The following SSBP2 variants were observed in gnomAD, a reference collection of about 807,000 sequenced individuals.
SSBP2 encodes single-stranded DNA-binding protein 2.
Under a neutral mutation model 61.8 loss-of-function variants are expected in SSBP2, and 17 were observed. The observed-to-expected ratio is 0.28, with a 90% CI of 0.19 to 0.41. The LOEUF (loss-of-function observed/expected upper bound fraction) is 0.41. SSBP2 is among the 10% of genes least tolerant of loss of function. The pLI is 1.00. For missense variants in SSBP2, 310 were observed against 458.7 expected (o/e 0.68, Z 2.96); for synonymous variants, 139 against 141.3 (o/e 0.98, Z 0.12).
Position 81,600,521 on chromosome 5 carries a change from C to A in SSBP2, c.282+14952G>T, listed in dbSNP as rs1744249243. On this transcript the variant is annotated intron_variant, in intron 4 of 16. Coordinates refer to ENST00000320672, the MANE Select transcript of SSBP2 (RefSeq NM_012446.5). ...AGGTTGCAGTAAGCCGAGATCACGC[C>A]ACTGCACTCTAACCTGGGCAACAGA... Among the ~76,000 whole-genome samples, 9 of 139,822 alleles carry A rather than the reference C, an allele frequency of 6.4e-5. No homozygotes were observed. The Admixed American group carries it at 6.9e-4, about 11-fold the overall frequency. The allele number at this position is 139,822 out of a possible 152,430, so 91.7% of individuals were successfully genotyped here.
rs574177883 is a variant in SSBP2 at position 81,519,877 on chromosome 5, G to A, written c.283-6160C>T. Among the ~76,000 whole-genome samples, 9 of 151,678 alleles carry A rather than the reference G, an allele frequency of 5.9e-5. No individual in the cohort carries two copies. The South Asian group carries it at 1.9e-3, about 32-fold the overall frequency. On this transcript the variant is annotated intron_variant, in intron 4 of 16. Coordinates refer to ENST00000320672, the MANE Select transcript of SSBP2 (RefSeq NM_012446.5). ...TGGTCTATTAATTTACTTTTTTTCT[G>A]TTTCATTAACATGTTTACTTCTTTT...
chr5:81,513,598 A>C (rs1768784807), intron 5 of SSBP2, 30 bp downstream of exon 5: 2 of 1,354,858 alleles, frequency 1.5e-6, no homozygotes, highest in Admixed American at 3.6e-5. Flanking sequence ...CCTATGCTTT[A>C]ACATTCCTAG....
chr5:81,540,407 G>C (rs1003129426), intron 4 of SSBP2, among the ~76,000 whole-genome samples: 2 of 152,140 alleles, frequency 1.3e-5, no homozygotes, highest in Non-Finnish European at 2.9e-5. Flanking sequence ...AGCATCTGTT[G>C]TTTCCTGACT....
intron 6 of SSBP2, among the ~76,000 whole-genome samples, chr5:81,484,847 C>T (rs1335330920): frequency 6.6e-6 from 1 of 151,970 alleles, no homozygotes; most frequent in Non-Finnish European, 1.5e-5. Flanking sequence ...TGTAGAATAC[C>T]AAATTCAACT....
intron 4 of SSBP2, among the ~76,000 whole-genome samples, chr5:81,538,586 A>T (rs1404873546): frequency 2.0e-5 from 3 of 152,228 alleles, no homozygotes; most frequent in African/African-American, 7.2e-5. Flanking sequence ...GCAGAAGTCA[A>T]TGCATGCTTT....
At chr5:81,545,058 A>G (rs756128276) in intron 4 of SSBP2, among the ~76,000 whole-genome samples, 1 of 152,208 alleles carries the variant, frequency 6.6e-6, no homozygotes, top group Non-Finnish European at 1.5e-5. Context: ...TCTTCTATCC[A>G]TCATCACTCC....
chr5:81,636,396 A>T, intron 3 of SSBP2, 161 bp downstream of exon 3: 2 of 494,922 alleles, frequency 4.0e-6, no homozygotes, highest in South Asian at 5.4e-5. Flanking sequence ...AAGTTAAATT[A>T]CACTAGTGCT....
At chr5:81,686,438 A>G (rs1419016719) in intron 1 of SSBP2, among the ~76,000 whole-genome samples, 1 of 152,216 alleles carries the variant, frequency 6.6e-6, no homozygotes, top group African/African-American at 2.4e-5. Context: ...ATCAACTTGC[A>G]AAATCTTAGG....
At chr5:81,423,835 CGTT>C (rs1022700472) in intron 16 of SSBP2, among the ~76,000 whole-genome samples, 1 of 152,072 alleles carries the variant, frequency 6.6e-6, no homozygotes, top group African/African-American at 2.4e-5. Flanking sequence ...TTATACTATA[CGTT>C]GTTAAGAGTA....
In SSBP2 at chr5:81,448,726, G is replaced by A; in HGVS notation, c.723+64C>T. On this transcript the variant is annotated intron_variant, in intron 11 of 16. Coordinates refer to ENST00000320672, the MANE Select transcript of SSBP2 (RefSeq NM_012446.5). ...GGCTCTTCTTAACATCTGGACAACTGTTTCATTGCCCAAATAAAATGTAAC... is the reference window on the plus strand; with the variant it reads ...GGCTCTTCTTAACATCTGGACAACTATTTCATTGCCCAAATAAAATGTAAC... 3 of 1,514,572 alleles carry A rather than the reference G, an allele frequency of 2.0e-6. No individual in the cohort carries two copies. The African/African-American group carries it at 4.1e-5, about 21-fold the overall frequency. 93.8% of individuals were successfully genotyped at this position (1,514,572 alleles called of 1,614,324 possible).
At chr5:81,547,724 T>C (rs1386210714) in intron 4 of SSBP2, among the ~76,000 whole-genome samples, 1 of 152,184 alleles carries the variant, frequency 6.6e-6, no homozygotes, top group Non-Finnish European at 1.5e-5. Context: ...CCTCCTGCCT[T>C]GGACTCACAA....
chr5:81,737,243 A>T (rs889914254), intron 1 of SSBP2, among the ~76,000 whole-genome samples: 1 of 151,872 alleles, frequency 6.6e-6, no homozygotes, highest in Non-Finnish European at 1.5e-5. Context: ...ACAACACAAT[A>T]AAACCCAAAA....
At chr5:81,724,071 C>G (rs1430065827) in intron 1 of SSBP2, among the ~76,000 whole-genome samples, 1 of 151,942 alleles carries the variant, frequency 6.6e-6, no homozygotes. Flanking sequence ...AAACTAATTA[C>G]TAAAAAACAC....
chr5:81,536,209 T>C (rs1580949816), intron 4 of SSBP2, among the ~76,000 whole-genome samples: 1 of 152,204 alleles, frequency 6.6e-6, no homozygotes, highest in South Asian at 2.1e-4. Flanking sequence ...GAATGGCCAA[T>C]ATGTAGATCA....
chr5:81,451,043 T>C (rs991168108), intron 10 of SSBP2, among the ~76,000 whole-genome samples: 1 of 152,194 alleles, frequency 6.6e-6, no homozygotes, highest in Non-Finnish European at 1.5e-5. Flanking sequence ...CCCAGTAAAC[T>C]TCATGGGGGA....
chr5:81,518,520 C>T (rs1421907095), intron 4 of SSBP2, among the ~76,000 whole-genome samples: 6 of 152,096 alleles, frequency 3.9e-5, no homozygotes, highest in Admixed American at 3.3e-4. Flanking sequence ...GACCCAGATG[C>T]TGGTGCCTTA....
chr5:81,701,143 T>C (rs1310653242), intron 1 of SSBP2, among the ~76,000 whole-genome samples: 2 of 152,224 alleles, frequency 1.3e-5, no homozygotes, highest in Admixed American at 6.5e-5. Flanking sequence ...ATTCTTCCTT[T>C]CACTTGAACA....
intron 1 of SSBP2, among the ~76,000 whole-genome samples, chr5:81,675,671 G>A (rs913946928): frequency 1.3e-5 from 2 of 152,082 alleles, no homozygotes; most frequent in Non-Finnish European, 2.9e-5. Flanking sequence ...TAAATCAGGG[G>A]TGCTTGGTAG....
chr5:81,490,320 T>C (rs1170393221), intron 5 of SSBP2, among the ~76,000 whole-genome samples: 1 of 152,006 alleles, frequency 6.6e-6, no homozygotes. Context: ...CAAAATTTTA[T>C]AAGTTTATTA....
Sources: gnomAD v4.1 joint callset for allele counts (sites outside exome capture counted in the v4.1 genomes callset) on GRCh38, gnomAD v4.1.1 for gene constraint, MANE v1.5 for transcripts, NCBI Gene and HGNC (gene_info 2026-07-23, HGNC 2026-07-21) for gene names.